The following PCSK6 variants were observed in gnomAD, a reference collection of about 807,000 sequenced individuals.
PCSK6 encodes the protein proprotein convertase subtilisin/kexin type 6.
In PCSK6, 85 loss-of-function variants were observed where a neutral mutation model predicts 123.3. The ratio of observed to expected loss-of-function variants is 0.69; its 90% CI spans 0.58 to 0.83. The LOEUF (loss-of-function observed/expected upper bound fraction) is 0.83. PCSK6 is among the 40% of genes least tolerant of loss of function. PCSK6 has a pLI of 0.00. For missense variants in PCSK6, 1,191 were observed against 1,282.3 expected, an observed-to-expected ratio of 0.93 and a Z score of 1.09; for synonymous variants, 508 against 516.0, an observed-to-expected ratio of 0.98 and a Z score of 0.21.
At chr15:101,415,458 A>C (rs900101971) in intron 6 of PCSK6, among the ~76,000 whole-genome samples, 10 of 152,360 alleles carry the variant, frequency 6.6e-5, no homozygotes, top group African/African-American at 2.4e-4. Flanking sequence ...TACATAAAAT[A>C]CTGTGATTTG....
chr15:101,444,171 T>C (rs750665457), intron 1 of PCSK6, among the ~76,000 whole-genome samples: 1 of 152,132 alleles, frequency 6.6e-6, no homozygotes, highest in African/African-American at 2.4e-5. Context: ...TTGGGGATTG[T>C]GAAAGGGTCA....
chr15:101,416,738 C>T (rs2055901175), intron 6 of PCSK6, among the ~76,000 whole-genome samples: 1 of 152,252 alleles, frequency 6.6e-6, no homozygotes, highest in Non-Finnish European at 1.5e-5. Context: ...AGCCAACGTA[C>T]AGCTTGGGCT....
At chr15:101,324,498 T>C (rs1051217202) in intron 17 of PCSK6, among the ~76,000 whole-genome samples, 4 of 152,222 alleles carry the variant, frequency 2.6e-5, no homozygotes, top group African/African-American at 7.2e-5. Context: ...CCTCTTCTGA[T>C]ACCTGAAATC....
chr15:101,388,192 GA>G (rs1221994644), intron 9 of PCSK6, among the ~76,000 whole-genome samples: 2 of 152,224 alleles, frequency 1.3e-5, no homozygotes. Context: ...TTTTTAAAAA[GA>G]GCCTCAGGAC....
At chr15:101,446,511 G>A (rs1013942666) in intron 1 of PCSK6, among the ~76,000 whole-genome samples, 5 of 151,996 alleles carry the variant, frequency 3.3e-5, no homozygotes, top group Admixed American at 6.6e-5. Context: ...TCCACCTACC[G>A]TTTTTTGATA....
intron 13 of PCSK6, among the ~76,000 whole-genome samples, chr15:101,357,419 G>A (rs571332411): frequency 1.3e-5 from 2 of 152,350 alleles, no homozygotes; most frequent in Admixed American, 1.3e-4. Context: ...GACCAGCCCT[G>A]CATTTTCCCG....
chr15:101,345,761 G>A (rs1235365395), intron 13 of PCSK6, among the ~76,000 whole-genome samples: 6 of 152,114 alleles, frequency 3.9e-5, no homozygotes, highest in African/African-American at 1.4e-4. Context: ...TCCGCCTCCC[G>A]GGTTCAAGTG....
Position 101,322,513 on chromosome 15 carries a change from G to T in PCSK6, c.2465+7C>A. On this transcript the variant is annotated splice_region_variant and intron_variant, in intron 18 of 21. Transcript: ENST00000611716. ...CTGACATTCCTCAGGTTTCGAGGGG[G>T]TTTTACCTGAATCCTTCTTTACAGA... 1.9e-6 allele frequency: 3 copies of T among 1,602,104 alleles called. No individual in the cohort carries two copies. The highest frequency in any genetic ancestry group is 1.3e-5 in the African/African-American group (1 of 74,810).
chr15:101,482,767 C>T lies in PCSK6; in HGVS notation c.297+6607G>A, dbSNP rs190618367. Among the ~76,000 whole-genome samples, 140 of 152,146 alleles carry T rather than the reference C, an allele frequency of 9.2e-4. 3 individuals carry two copies. In the East Asian group the frequency reaches 0.025, roughly 28 times the overall value. ...TTTCTAATGGTCCAGTCAGCTGAGC[C>T]ACCTGCTCAGTCCTGATTCTGAGTC... On this transcript the variant is annotated intron_variant, in intron 1 of 21. Transcript: ENST00000611716.
intron 13 of PCSK6, among the ~76,000 whole-genome samples, chr15:101,357,059 G>A (rs920330606): frequency 7.2e-5 from 11 of 152,178 alleles, no homozygotes; most frequent in Admixed American, 3.3e-4. Context: ...AACACCATTG[G>A]AGCAGTTTTT....
intron 1 of PCSK6, among the ~76,000 whole-genome samples, chr15:101,446,066 T>A (rs2056881462): frequency 6.6e-6 from 1 of 152,264 alleles, no homozygotes; most frequent in African/African-American, 2.4e-5. Flanking sequence ...GTCCCCAGAA[T>A]GCTGACCAGG....
chr15:101,479,484 G>A (rs1437386620), intron 1 of PCSK6, among the ~76,000 whole-genome samples: 1 of 152,214 alleles, frequency 6.6e-6, no homozygotes, highest in Non-Finnish European at 1.5e-5. Flanking sequence ...CTCACCACCA[G>A]TGAGAGTATG....
chr15:101,327,573 T>G (rs528996312), intron 15 of PCSK6, among the ~76,000 whole-genome samples: 1 of 152,166 alleles, frequency 6.6e-6, no homozygotes, highest in African/African-American at 2.4e-5. Flanking sequence ...CTCCGAGGTG[T>G]GAGTTATGAG....
intron 2 of PCSK6, among the ~76,000 whole-genome samples, chr15:101,441,027 T>C (rs2056740863): frequency 6.6e-6 from 1 of 152,212 alleles, no homozygotes. Context: ...CTAGGAACGT[T>C]CCAGGAAGGC....
At chr15:101,429,265 A>G (rs990070166) in intron 5 of PCSK6, among the ~76,000 whole-genome samples, 10 of 152,260 alleles carry the variant, frequency 6.6e-5, no homozygotes, top group Middle Eastern at 3.4e-3. Flanking sequence ...AATTCCCAGG[A>G]CTGACCCCAG....
chr15:101,451,295 C>G (rs2057027868), intron 1 of PCSK6, among the ~76,000 whole-genome samples: 1 of 151,164 alleles, frequency 6.6e-6, no homozygotes, highest in African/African-American at 2.4e-5. Context: ...CAAATAGTTC[C>G]AAAGGTCCAC....
intron 1 of PCSK6, among the ~76,000 whole-genome samples, chr15:101,482,101 A>AT (rs1266238319): frequency 1.3e-5 from 2 of 152,264 alleles, no homozygotes; most frequent in Non-Finnish European, 2.9e-5. Flanking sequence ...GCAGAAGCCG[A>AT]AAGGCTTTTC....
chr15:101,347,365 T>C (rs2040762191), intron 13 of PCSK6: 5 of 1,236,454 alleles, frequency 4.0e-6, no homozygotes, highest in Admixed American at 4.1e-5. Context: ...AAAAAAGACA[T>C]TGTTGAAAGG....
chr15:101,332,012 G>A lies in PCSK6; in HGVS notation c.1878C>T (p.Ser626=). 5 of 1,597,648 alleles carry A rather than the reference G, an allele frequency of 3.1e-6. No individual in the cohort carries two copies. The highest frequency in any genetic ancestry group is 4.3e-6 in the Non-Finnish European group (5 of 1,168,848). The change falls in exon 14 of 22, where the codon AGC becomes AGT. Residue 626 remains serine (S), a synonymous_variant. Coordinates refer to ENST00000611716, the MANE Select transcript of PCSK6 (RefSeq NM_002570.5). ...PEKQGKLKEW[S]LILYGTAEHP... is the part of the protein sequence containing the mutation. ...GCTCTGCTGTGCCATACAGTATGAG[G>A]CTCCATTCTTTCAACTTCCCTGGAA...
Sources: gnomAD v4.1 joint callset for allele counts (sites outside exome capture counted in the v4.1 genomes callset) on GRCh38, gnomAD v4.1.1 for gene constraint, MANE v1.5 for transcripts, NCBI Gene and HGNC (gene_info 2026-07-23, HGNC 2026-07-21) for gene names.